SLC67A1: variants seen among roughly 807,000 people sequenced by gnomAD.
SLC67A1 encodes the protein solute carrier family 67 member 1.
chr11:2,921,835 C>G, the SLC67A1 span: 1 of 478,998 alleles, frequency 2.1e-6, no homozygotes, highest in Non-Finnish European at 3.7e-6. Flanking sequence ...AGCCCATCCC[C>G]GGTGTCCCTG....
the SLC67A1 span, among the ~76,000 whole-genome samples, chr11:2,924,264 C>A: frequency 6.6e-6 from 1 of 152,176 alleles, no homozygotes. The surrounding 1 kb of genome is among the most constrained non-coding windows in gnomAD (Gnocchi z 8.6). Context: ...CCTCGGAAGC[C>A]GCTCGGTCTT....
chr11:2,917,958 T>C, the SLC67A1 span: 1 of 1,568,966 alleles, frequency 6.4e-7, no homozygotes, highest in Non-Finnish European at 8.7e-7. Context: ...ACAATGGCCT[T>C]TGCAGGCCTG....
At chr11:2,901,512 C>T in the SLC67A1 span, among the ~76,000 whole-genome samples, 1 of 152,382 alleles carries the variant, frequency 6.6e-6, no homozygotes, top group South Asian at 2.1e-4. Flanking sequence ...CATCTCCCTA[C>T]TTAGTGACAG....
At chr11:2,922,727 G>GATTACTC in the SLC67A1 span, among the ~76,000 whole-genome samples, 1 of 131,398 alleles carries the variant, frequency 7.6e-6, no homozygotes, top group Non-Finnish European at 1.7e-5. Context: ...TGTGTGGGAT[G>GATTACTC]AGTAAGGTGG....
the SLC67A1 span, chr11:2,909,749 A>G: frequency 1.4e-6 from 2 of 1,420,812 alleles, no homozygotes; most frequent in Non-Finnish European, 1.8e-6. Flanking sequence ...GTGGGTCAGG[A>G]CGCCCGCGGC....
At chr11:2,917,292 G>C in the SLC67A1 span, among the ~76,000 whole-genome samples, 1 of 152,226 alleles carries the variant, frequency 6.6e-6, no homozygotes, top group Non-Finnish European at 1.5e-5. Flanking sequence ...CCCATGCCTC[G>C]GTGCCTAGGG....
the SLC67A1 span, chr11:2,922,628 G>T: frequency 1.7e-6 from 2 of 1,151,310 alleles, no homozygotes; most frequent in South Asian, 1.3e-5. Flanking sequence ...GATGGGGTGG[G>T]CAGCCTAGGG....
At chr11:2,917,597 G>A in the SLC67A1 span, among the ~76,000 whole-genome samples, 1 of 152,244 alleles carries the variant, frequency 6.6e-6, no homozygotes, top group African/African-American at 2.4e-5. Context: ...CTGGGCTGGT[G>A]GCCTGGTCAT....
chr11:2,900,269 C>T, the SLC67A1 span, among the ~76,000 whole-genome samples: 9 of 152,280 alleles, frequency 5.9e-5, no homozygotes, highest in South Asian at 2.1e-4. Context: ...TCCCCTCGAG[C>T]GGTACACTGC....
the SLC67A1 span, chr11:2,919,052 T>C: frequency 3.9e-6 from 2 of 511,860 alleles, no homozygotes; most frequent in Non-Finnish European, 3.6e-6. Context: ...CAGCCCTGGG[T>C]CCCTCCCTTC....
the SLC67A1 span, among the ~76,000 whole-genome samples, chr11:2,914,269 C>T: frequency 6.6e-6 from 1 of 152,174 alleles, no homozygotes; most frequent in Admixed American, 6.5e-5. Context: ...GGATGAGCCC[C>T]GGGAAGCCAG....
the SLC67A1 span, chr11:2,919,285 C>A: frequency 1.2e-5 from 19 of 1,588,282 alleles, no homozygotes; most frequent in African/African-American, 2.6e-4. Flanking sequence ...GTACTCACCC[C>A]TGTTCCCCTG....
chr11:2,907,310 T>C, the SLC67A1 span, among the ~76,000 whole-genome samples: 14 of 152,230 alleles, frequency 9.2e-5, no homozygotes, highest in Middle Eastern at 6.8e-3. This position sits in a 1 kb window ranked among gnomAD's most constrained non-coding sequence, Gnocchi z 6.7. Flanking sequence ...TGTCTCACAG[T>C]TTGGGAGGCC....
the SLC67A1 span, chr11:2,908,148 C>A: frequency 1.1e-6 from 1 of 910,484 alleles, no homozygotes; most frequent in East Asian, 2.5e-5. Flanking sequence ...CGGTCCCCTC[C>A]CACCCCCTGC....
chr11:2,909,445 G>A, the SLC67A1 span: 6 of 1,438,024 alleles, frequency 4.2e-6, no homozygotes, highest in Non-Finnish European at 5.5e-6. Flanking sequence ...GTCTGCGTGC[G>A]CGCGGGGTCT....
chr11:2,914,316 G>T, the SLC67A1 span, among the ~76,000 whole-genome samples: 3 of 151,680 alleles, frequency 2.0e-5, no homozygotes, highest in Non-Finnish European at 2.9e-5. Flanking sequence ...GTGAGGTTGA[G>T]GGGGGCTGAG....
chr11:2,899,742 G>A, the SLC67A1 span: 35 of 1,442,950 alleles, frequency 2.4e-5, no homozygotes, highest in African/African-American at 8.6e-5. Context: ...AGGTCTCTCC[G>A]ATTTCCTCTG....
chr11:2,903,693 T>C, the SLC67A1 span: 1 of 614,020 alleles, frequency 1.6e-6, no homozygotes, highest in African/African-American at 1.8e-5. Context: ...GTGCTCCAGC[T>C]TCAGTGCCAG....
the SLC67A1 span, among the ~76,000 whole-genome samples, chr11:2,905,763 T>C: frequency 6.6e-6 from 1 of 152,112 alleles, no homozygotes. Context: ...CCCTCAAATA[T>C]GTGGGAGTAG....
Sources: allele counts gnomAD v4.1 joint callset (sites outside exome capture counted in the v4.1 genomes callset), GRCh38; gene constraint gnomAD v4.1.1; non-coding constraint Gnocchi (gnomAD v3.1); transcripts MANE v1.5; gene names NCBI Gene and HGNC (gene_info 2026-07-23, HGNC 2026-07-21).